Variants in CREB5 observed in about 807,000 individuals in gnomAD.
CREB5 encodes cAMP responsive element binding protein 5.
CREB5 carries 19 observed loss-of-function variants against 57.1 expected under a neutral mutation model. The ratio of observed to expected loss-of-function variants is 0.33; its 90% CI spans 0.23 to 0.49. The LOEUF is 0.49. Ranked by LOEUF, CREB5 falls within the 20% of genes least tolerant of loss-of-function variation. CREB5 has a pLI of 0.99. For missense variants in CREB5, 579 were observed against 671.6 expected, an observed-to-expected ratio of 0.86 and a Z score of 1.52; for synonymous variants, 238 against 238.3, an observed-to-expected ratio of 1.00 and a Z score of 0.01.
chr7:28,753,316 G>A (rs1805089728), intron 7 of CREB5, among the ~76,000 whole-genome samples: 1 of 152,050 alleles, frequency 6.6e-6, no homozygotes, highest in African/African-American at 2.4e-5. Context: ...ACCATACTAT[G>A]TAGAAAAAAT....
At chr7:28,750,119 T>C (rs975593973) in intron 7 of CREB5, among the ~76,000 whole-genome samples, 2 of 152,214 alleles carry the variant, frequency 1.3e-5, no homozygotes, top group African/African-American at 2.4e-5. Context: ...TCCTTTAGTA[T>C]TTTTGAAATG....
At chr7:28,732,198 C>T (rs554453561) in intron 7 of CREB5, among the ~76,000 whole-genome samples, 2 of 152,252 alleles carry the variant, frequency 1.3e-5, no homozygotes, top group South Asian at 2.1e-4. Flanking sequence ...CAGACATTCT[C>T]CTAGGACTCA....
intron 9 of CREB5, among the ~76,000 whole-genome samples, chr7:28,811,743 T>G (rs1466981816): frequency 5.3e-5 from 8 of 152,224 alleles, no homozygotes; most frequent in African/African-American, 1.9e-4. Flanking sequence ...AGATCAAATC[T>G]GCAGTTTCAA....
chr7:28,386,869 C>T lies in CREB5; in HGVS notation c.-25+87428C>T, dbSNP rs148656641. On this transcript the variant is annotated intron_variant, in intron 1 of 9. Transcript: ENST00000396299. Reference sequence around the variant, plus strand: ...TGCATTAGTTTGCTGAGGACAATGGCCTCCAGCTCCACCCATGTCCCTGCA... The same window carrying T: ...TGCATTAGTTTGCTGAGGACAATGGTCTCCAGCTCCACCCATGTCCCTGCA... Among the ~76,000 whole-genome samples the T allele has an allele frequency of 6.4e-3, 979 of 152,278 alleles. 57 individuals are homozygous for T. Among genetic ancestry groups the T allele is most frequent in the Admixed American group, 0.058 (890 of 15,292 alleles).
At chr7:28,327,413 G>A (rs1414405822) in intron 1 of CREB5, among the ~76,000 whole-genome samples, 1 of 152,176 alleles carries the variant, frequency 6.6e-6, no homozygotes, top group Non-Finnish European at 1.5e-5. Flanking sequence ...AAGGAAATGA[G>A]ATTTAAATAT....
chr7:28,546,037 A>G (rs944744218), intron 4 of CREB5, among the ~76,000 whole-genome samples: 1 of 152,204 alleles, frequency 6.6e-6, no homozygotes, highest in African/African-American at 2.4e-5. Flanking sequence ...GCCCATAGGC[A>G]TCACTCCCCG....
At chr7:28,697,271 A>G (rs1440275027) in intron 5 of CREB5, among the ~76,000 whole-genome samples, 1 of 152,190 alleles carries the variant, frequency 6.6e-6, no homozygotes, top group East Asian at 1.9e-4. Flanking sequence ...CACTGGTATC[A>G]TAGAAAGGCC....
chr7:28,800,834 T>C (rs891752978), intron 7 of CREB5, among the ~76,000 whole-genome samples: 2 of 152,226 alleles, frequency 1.3e-5, no homozygotes, highest in Non-Finnish European at 1.5e-5. Context: ...CTTTCTGCTT[T>C]TCCTTTTGAT....
intron 5 of CREB5, among the ~76,000 whole-genome samples, chr7:28,674,241 A>G (rs1314407413): frequency 6.6e-6 from 1 of 152,186 alleles, no homozygotes; most frequent in Non-Finnish European, 1.5e-5. Flanking sequence ...GGAAGGTGTT[A>G]GGTAGAAGGA....
intron 1 of CREB5, among the ~76,000 whole-genome samples, chr7:28,464,897 C>A (rs943007221): frequency 3.3e-5 from 5 of 152,088 alleles, no homozygotes; most frequent in Admixed American, 1.3e-4. Flanking sequence ...TCACAACAAC[C>A]CTTTGAGATA....
intron 5 of CREB5, among the ~76,000 whole-genome samples, chr7:28,633,631 C>A (rs1798291620): frequency 6.6e-6 from 1 of 152,162 alleles, no homozygotes; most frequent in Non-Finnish European, 1.5e-5. Flanking sequence ...GACTTACCAG[C>A]CATCCTTTTG....
At chr7:28,476,359 G>A (rs1231726917) in intron 1 of CREB5, among the ~76,000 whole-genome samples, 3 of 152,128 alleles carry the variant, frequency 2.0e-5, no homozygotes, top group Non-Finnish European at 4.4e-5. Context: ...TGTGCCATGT[G>A]CCATCTCTGC....
chr7:28,668,130 T>G (rs1394103565), intron 5 of CREB5, among the ~76,000 whole-genome samples: 1 of 152,210 alleles, frequency 6.6e-6, no homozygotes, highest in East Asian at 1.9e-4. Flanking sequence ...TCTACTTGTT[T>G]CAGGACTCAT....
chr7:28,724,922 CAGAT>C (rs1459045411), intron 7 of CREB5, among the ~76,000 whole-genome samples: 3 of 152,204 alleles, frequency 2.0e-5, no homozygotes, highest in African/African-American at 7.2e-5. Flanking sequence ...TTTCCAATCA[CAGAT>C]AGAGTTATGC....
intron 7 of CREB5, among the ~76,000 whole-genome samples, chr7:28,732,919 A>G (rs999753359): frequency 6.1e-5 from 9 of 147,714 alleles, no homozygotes; most frequent in African/African-American, 2.2e-4. Context: ...CCCTTTTGGT[A>G]TCCTTTTAAA....
intron 5 of CREB5, chr7:28,615,437 C>T (rs1006160480): frequency 3.9e-5 from 6 of 152,478 alleles, no homozygotes; most frequent in African/African-American, 1.4e-4. Flanking sequence ...CAAGGGACCA[C>T]TTAGGGCTCA....
At chr7:28,603,497 A>AG (rs2128671383) in intron 5 of CREB5, among the ~76,000 whole-genome samples, 1 of 152,222 alleles carries the variant, frequency 6.6e-6, no homozygotes, top group East Asian at 1.9e-4. Context: ...TATTCCTGTA[A>AG]CCTTCCTATC....
At chr7:28,466,938 T>C (rs987374685) in intron 1 of CREB5, among the ~76,000 whole-genome samples, 4 of 152,200 alleles carry the variant, frequency 2.6e-5, no homozygotes, top group Admixed American at 6.5e-5. Context: ...TCAAAGAAAG[T>C]GCAATGTGCA....
chr7:28,753,775 T>C (rs1387646104), intron 7 of CREB5, among the ~76,000 whole-genome samples: 1 of 152,108 alleles, frequency 6.6e-6, no homozygotes, highest in Non-Finnish European at 1.5e-5. Flanking sequence ...TAAAATTAGA[T>C]GATGTGCATT....
Sources: allele counts gnomAD v4.1 joint callset (sites outside exome capture counted in the v4.1 genomes callset), GRCh38; gene constraint gnomAD v4.1.1; transcripts MANE v1.5; gene names NCBI Gene and HGNC (gene_info 2026-07-23, HGNC 2026-07-21).